The following PTPRM variants were observed in gnomAD, a reference collection of about 807,000 sequenced individuals.
PTPRM encodes the protein protein tyrosine phosphatase receptor type M, also known as receptor-type tyrosine-protein phosphatase mu.
In PTPRM, 47 loss-of-function variants were observed where a neutral mutation model predicts 186.7. That is an observed-to-expected ratio of 0.25 (90% CI 0.20 to 0.32). The LOEUF is 0.32. Ranked by LOEUF, PTPRM falls within the 10% of genes least tolerant of loss-of-function variation. The pLI, the probability that PTPRM is intolerant of heterozygous loss-of-function variation, is 1.00. For missense variants in PTPRM, 1,494 were observed against 1,865.0 expected (o/e 0.80, Z 3.66); for synonymous variants, 668 against 674.9 (o/e 0.99, Z 0.16).
At chr18:7,759,969 G>A (rs761683230) in intron 1 of PTPRM, among the ~76,000 whole-genome samples, 5 of 152,138 alleles carry the variant, frequency 3.3e-5, no homozygotes, top group African/African-American at 7.2e-5. Flanking sequence ...GATAGGAACA[G>A]TCACCTAAAA....
At chr18:7,896,688 G>A (rs961700893) in intron 3 of PTPRM, among the ~76,000 whole-genome samples, 3 of 152,120 alleles carry the variant, frequency 2.0e-5, no homozygotes, top group Non-Finnish European at 4.4e-5. Context: ...TATACTGAAG[G>A]GTCCTGGGAG....
intron 22 of PTPRM, among the ~76,000 whole-genome samples, chr18:8,319,911 G>T (rs1319735507): frequency 6.6e-6 from 1 of 152,152 alleles, no homozygotes. Context: ...TGTTGAGGAA[G>T]CTCATGGCAG....
At chr18:7,829,302 C>T (rs1368763506) in intron 2 of PTPRM, among the ~76,000 whole-genome samples, 2 of 152,142 alleles carry the variant, frequency 1.3e-5, no homozygotes, top group Admixed American at 6.5e-5. Context: ...TACATATTTG[C>T]TTTCCTTAGA....
At chr18:8,179,377 C>G (rs1286451076) in intron 14 of PTPRM, among the ~76,000 whole-genome samples, 2 of 151,930 alleles carry the variant, frequency 1.3e-5, no homozygotes, top group Non-Finnish European at 2.9e-5. Context: ...TCTATTAGTT[C>G]AGTCCATACA....
At chr18:7,705,727 T>G (rs2144741842) in intron 1 of PTPRM, among the ~76,000 whole-genome samples, 1 of 151,724 alleles carries the variant, frequency 6.6e-6, no homozygotes, top group South Asian at 2.1e-4. Context: ...CTTTCTTTCT[T>G]TTTCTCTTTT....
intron 1 of PTPRM, among the ~76,000 whole-genome samples, chr18:7,630,539 G>A (rs926085803): frequency 1.3e-5 from 2 of 152,130 alleles, no homozygotes; most frequent in African/African-American, 2.4e-5. Flanking sequence ...AGTCACTTAC[G>A]CGCAACGTGG....
At chr18:7,681,587 A>G (rs2039481982) in intron 1 of PTPRM, among the ~76,000 whole-genome samples, 2 of 150,194 alleles carry the variant, frequency 1.3e-5, no homozygotes, top group Admixed American at 1.3e-4. Flanking sequence ...AGATTCCTTA[A>G]AAAAAAAAAC....
At chr18:8,277,230 TA>T (rs1481893064) in intron 19 of PTPRM, among the ~76,000 whole-genome samples, 1 of 152,208 alleles carries the variant, frequency 6.6e-6, no homozygotes, top group African/African-American at 2.4e-5. Flanking sequence ...TTTTTATTTT[TA>T]TTTTTTCCCA....
chr18:7,747,496 G>C (rs1275452773), intron 1 of PTPRM: 1 of 152,300 alleles, frequency 6.6e-6, no homozygotes, highest in East Asian at 1.9e-4. Context: ...CCAAGATCAA[G>C]GTATTGGCAG....
intron 32 of PTPRM, among the ~76,000 whole-genome samples, chr18:8,401,566 G>C (rs906467825): frequency 6.6e-6 from 1 of 152,210 alleles, no homozygotes; most frequent in Non-Finnish European, 1.5e-5. Flanking sequence ...GCTTGCCTTA[G>C]TTTCAAAAGC....
chr18:7,660,483 G>C (rs1386806103), intron 1 of PTPRM, among the ~76,000 whole-genome samples: 1 of 152,184 alleles, frequency 6.6e-6, no homozygotes, highest in Non-Finnish European at 1.5e-5. Flanking sequence ...CCAAAGTAGG[G>C]AAGACAGAGA....
intron 1 of PTPRM, among the ~76,000 whole-genome samples, chr18:7,669,369 T>C (rs1459333927): frequency 6.6e-6 from 1 of 150,808 alleles, no homozygotes; most frequent in Non-Finnish European, 1.5e-5. Flanking sequence ...ACATGTGTGT[T>C]GAAGCCCTGC....
At chr18:7,631,273 A>G (rs2038184870) in intron 1 of PTPRM, among the ~76,000 whole-genome samples, 1 of 152,216 alleles carries the variant, frequency 6.6e-6, no homozygotes, top group South Asian at 2.1e-4. Context: ...AGAAAATATT[A>G]TGCAGTCTCA....
intron 2 of PTPRM, among the ~76,000 whole-genome samples, chr18:7,837,239 A>G (rs1382885495): frequency 6.6e-6 from 1 of 152,168 alleles, no homozygotes; most frequent in Non-Finnish European, 1.5e-5. Context: ...GTATTTTCAA[A>G]TAGCTGGTCT....
intron 7 of PTPRM, among the ~76,000 whole-genome samples, chr18:7,979,993 C>T (rs558827135): frequency 6.6e-6 from 1 of 152,198 alleles, no homozygotes; most frequent in Non-Finnish European, 1.5e-5. Context: ...CATGCTGGCT[C>T]CTGGACACCC....
At chr18:7,836,535 C>T (rs533839245) in intron 2 of PTPRM, among the ~76,000 whole-genome samples, 1 of 152,184 alleles carries the variant, frequency 6.6e-6, no homozygotes, top group South Asian at 2.1e-4. Flanking sequence ...GAGTAGTTTA[C>T]ACACCACAGT....
At chr18:8,012,741 TA>T (rs2084615827) in intron 7 of PTPRM, among the ~76,000 whole-genome samples, 1 of 152,256 alleles carries the variant, frequency 6.6e-6, no homozygotes, top group Non-Finnish European at 1.5e-5. Context: ...TTCATTATTA[TA>T]CAGCACATGT....
chr18:8,017,323 G>C (rs1452784731), intron 7 of PTPRM, among the ~76,000 whole-genome samples: 1 of 151,994 alleles, frequency 6.6e-6, no homozygotes, highest in Non-Finnish European at 1.5e-5. Flanking sequence ...CGGATCACAA[G>C]GTCAGGAGTT....
At chr18:7,993,044 A>G (rs1029758346) in intron 7 of PTPRM, among the ~76,000 whole-genome samples, 17 of 151,920 alleles carry the variant, frequency 1.1e-4, no homozygotes, top group African/African-American at 3.9e-4. Flanking sequence ...CATATCGTAA[A>G]AAAGGATTCC....
Sources: allele counts gnomAD v4.1 joint callset (sites outside exome capture counted in the v4.1 genomes callset), GRCh38; gene constraint gnomAD v4.1.1; transcripts MANE v1.5; gene names NCBI Gene and HGNC (gene_info 2026-07-23, HGNC 2026-07-21).